The following ZNF704 variants were observed in gnomAD, a reference collection of about 807,000 sequenced individuals.
ZNF704 encodes glucocorticoid induced gene 1.
Under a neutral mutation model 44.7 loss-of-function variants are expected in ZNF704, and 10 were observed. The observed-to-expected ratio is 0.22, with a 90% CI of 0.14 to 0.38. ZNF704 has a LOEUF of 0.38. Ranked by LOEUF, ZNF704 falls within the 10% of genes least tolerant of loss-of-function variation. The pLI, the probability that ZNF704 is intolerant of heterozygous loss-of-function variation, is 1.00. For synonymous variants in ZNF704, 211 were observed against 207.6 expected (o/e 1.02, Z -0.14); for missense variants, 390 against 545.5 (o/e 0.71, Z 2.84).
chr8:80,711,722 G>A (rs2131660102), intron 2 of ZNF704, among the ~76,000 whole-genome samples: 1 of 152,282 alleles, frequency 6.6e-6, no homozygotes, highest in African/African-American at 2.4e-5. Flanking sequence ...GAAATTAAAA[G>A]GGTGGGGCCA....
At chr8:80,818,706 T>A (rs924903153) in intron 2 of ZNF704, among the ~76,000 whole-genome samples, 1 of 152,188 alleles carries the variant, frequency 6.6e-6, no homozygotes, top group Non-Finnish European at 1.5e-5. Flanking sequence ...GCCAATTGTA[T>A]ATAGATTTCC....
intron 2 of ZNF704, chr8:80,814,096 A>T (rs540609957): frequency 6.6e-6 from 1 of 152,174 alleles, no homozygotes; most frequent in South Asian, 2.1e-4. Flanking sequence ...TTTAAAAACA[A>T]CAAACAAAAA....
Position 80,643,026 on chromosome 8 carries a change from C to G in ZNF704, c.1127+9G>C. ...GGTGAGGTGTGTGGAGTTTTTTAAGCTGTCGTACCTTAAGCTGACTGTGCC... is the reference window on the plus strand; with the variant it reads ...GGTGAGGTGTGTGGAGTTTTTTAAGGTGTCGTACCTTAAGCTGACTGTGCC... On this transcript the variant is annotated intron_variant, in intron 8 of 8. Transcript: ENST00000327835. 6.4e-7 allele frequency: 1 copy of G among 1,553,964 alleles called. No individual in the cohort carries two copies. Among genetic ancestry groups the G allele is most frequent in the Non-Finnish European group, 8.7e-7 (1 of 1,145,688 alleles).
chr8:80,685,689 G>A (rs1057080148), intron 4 of ZNF704, among the ~76,000 whole-genome samples: 12 of 152,238 alleles, frequency 7.9e-5, no homozygotes, highest in Non-Finnish European at 1.6e-4. Flanking sequence ...CCTCTGGGAA[G>A]GTCAGGGGAC....
chr8:80,785,826 T>C (rs949863496), intron 2 of ZNF704, among the ~76,000 whole-genome samples: 3 of 152,154 alleles, frequency 2.0e-5, no homozygotes, highest in African/African-American at 7.2e-5. Context: ...TACTAGAAAA[T>C]AGTATTAAAA....
chr8:80,761,939 T>C (rs915015413), intron 2 of ZNF704, among the ~76,000 whole-genome samples: 1 of 152,246 alleles, frequency 6.6e-6, no homozygotes, highest in Non-Finnish European at 1.5e-5. Flanking sequence ...GTCACCACCA[T>C]ATATGCAGTT....
intron 2 of ZNF704, among the ~76,000 whole-genome samples, chr8:80,730,135 T>C (rs1418712790): frequency 1.3e-5 from 2 of 152,164 alleles, no homozygotes; most frequent in African/African-American, 4.8e-5. Flanking sequence ...GAGAAGGAAA[T>C]AGATTTAAAT....
At chr8:80,811,775 C>CT (rs1390499127) in intron 2 of ZNF704, among the ~76,000 whole-genome samples, 22 of 152,248 alleles carry the variant, frequency 1.4e-4, no homozygotes, top group Admixed American at 1.4e-3. Context: ...AGCAGGGGTC[C>CT]TCAGTCACCC....
chr8:80,728,022 T>A (rs1024266845), intron 2 of ZNF704, among the ~76,000 whole-genome samples: 17 of 152,316 alleles, frequency 1.1e-4, no homozygotes, highest in African/African-American at 4.1e-4. Flanking sequence ...ACAGTCTGTG[T>A]GATTCTTCAA....
intron 2 of ZNF704, among the ~76,000 whole-genome samples, chr8:80,697,061 C>T (rs1818737996): frequency 6.6e-6 from 1 of 152,138 alleles, no homozygotes; most frequent in Non-Finnish European, 1.5e-5. Flanking sequence ...CTGAAGCTGA[C>T]CTGGCTTCTG....
chr8:80,642,850 C>G (rs1215446168), intron 8 of ZNF704, among the ~76,000 whole-genome samples, 185 bp downstream of exon 8: 1 of 152,004 alleles, frequency 6.6e-6, no homozygotes, highest in Non-Finnish European at 1.5e-5. Context: ...AATCATTACC[C>G]CCCGAAACAA....
intron 2 of ZNF704, among the ~76,000 whole-genome samples, chr8:80,774,669 G>T (rs1260967033): frequency 6.6e-6 from 1 of 152,136 alleles, no homozygotes; most frequent in African/African-American, 2.4e-5. Flanking sequence ...CACCTCCTTA[G>T]GGCTTCATAG....
At chr8:80,764,828 C>A (rs1256361180) in intron 2 of ZNF704, among the ~76,000 whole-genome samples, 1 of 152,214 alleles carries the variant, frequency 6.6e-6, no homozygotes, top group Non-Finnish European at 1.5e-5. Context: ...AGAATAATTT[C>A]ATATATCTCT....
At chr8:80,753,236 A>G (rs1806978156) in intron 2 of ZNF704, among the ~76,000 whole-genome samples, 1 of 152,166 alleles carries the variant, frequency 6.6e-6, no homozygotes, top group African/African-American at 2.4e-5. Context: ...AAACCTGCCC[A>G]GGCTCCTGTT....
chr8:80,848,775 A>G (rs1808809910), intron 1 of ZNF704, among the ~76,000 whole-genome samples: 1 of 152,152 alleles, frequency 6.6e-6, no homozygotes. Context: ...CCTGTCTCAA[A>G]AAAAAAGTTT....
At chr8:80,778,881 G>A (rs929505315) in intron 2 of ZNF704, among the ~76,000 whole-genome samples, 1 of 152,034 alleles carries the variant, frequency 6.6e-6, no homozygotes, top group East Asian at 1.9e-4. Context: ...AGGAGGGAGA[G>A]GAGCAGAAAA....
intron 2 of ZNF704, among the ~76,000 whole-genome samples, chr8:80,744,667 T>C (rs1372241410): frequency 6.6e-6 from 1 of 152,218 alleles, no homozygotes; most frequent in Non-Finnish European, 1.5e-5. Context: ...AAATACGCTT[T>C]TATTTATGCA....
chr8:80,692,901 G>C, intron 3 of ZNF704, 103 bp downstream of exon 3: 1 of 1,005,864 alleles, frequency 9.9e-7, no homozygotes, highest in Non-Finnish European at 1.5e-6. Flanking sequence ...TAATGGGTGA[G>C]GGTCAGTGGT....
At chr8:80,661,178 T>A (rs528280779) in intron 6 of ZNF704, among the ~76,000 whole-genome samples, 3 of 151,958 alleles carry the variant, frequency 2.0e-5, no homozygotes, top group Non-Finnish European at 4.4e-5. Flanking sequence ...AAATGACCAA[T>A]AGGTACATGA....
Sources: allele counts gnomAD v4.1 joint callset (sites outside exome capture counted in the v4.1 genomes callset), GRCh38; gene constraint gnomAD v4.1.1; transcripts MANE v1.5; gene names NCBI Gene and HGNC (gene_info 2026-07-23, HGNC 2026-07-21).